The following HACD2 variants were observed in gnomAD, a reference collection of about 807,000 sequenced individuals.
The protein encoded by HACD2 is 3-hydroxyacyl-CoA dehydratase 2.
A neutral mutation model predicts 31.0 loss-of-function variants in HACD2; 15 were observed. The observed-to-expected ratio is 0.48, with a 90% CI of 0.32 to 0.75. HACD2 has a LOEUF of 0.75. Among genes scored for constraint, HACD2 ranks in the 30% least tolerant of loss-of-function variants. The pLI is 0.03. For missense variants in HACD2, 283 were observed against 313.0 expected (o/e 0.90, Z 0.72); for synonymous variants, 115 against 122.2 (o/e 0.94, Z 0.39).
rs1325922301 is a variant in HACD2 at position 123,494,730 on chromosome 3, AG to A, written c.*157del. ...CAACCTTTTTCTAAAATAAAATCTC[AG>A]GCCCATGTGACACTGGATTTTTGTT... On this transcript the variant is annotated 3_prime_UTR_variant, in exon 7 of 7. Transcript: ENST00000383657. 52 of 649,520 alleles carry A rather than the reference AG, an allele frequency of 8.0e-5. No individual in the cohort carries two copies. The highest frequency in any genetic ancestry group is 1.0e-4 in the Non-Finnish European group (37 of 369,422). The allele number at this position is 649,520 out of a possible 1,614,324, so 40.2% of individuals were successfully genotyped here. A position where few individuals can be genotyped will look rare whatever the true frequency, so the allele number is the denominator to read the frequency against.
At position 123,532,568 on chromosome 3, in the gene HACD2, C is replaced by G. The variant is rs567134530; in HGVS notation, c.293-4094G>C. 1.8e-3 allele frequency among the ~76,000 whole-genome samples: 276 copies of G among 152,290 alleles called. 1 individual carries two copies. The highest frequency in any genetic ancestry group is 6.5e-3 in the African/African-American group (269 of 41,550). ...AACTAAGGCCAGGCACAGTGGCTTA[C>G]GCCTGTAATCCCAGCACTTTGGGAG... On this transcript the variant is annotated intron_variant, in intron 3 of 6. Transcript: ENST00000383657.
At chr3:123,497,008 A>T (rs1248126565) in intron 6 of HACD2, among the ~76,000 whole-genome samples, 1 of 152,196 alleles carries the variant, frequency 6.6e-6, no homozygotes, top group Non-Finnish European at 1.5e-5. Flanking sequence ...ACTCCTTTAC[A>T]TCTCCCAGAG....
At chr3:123,536,025 T>C (rs2056421106) in intron 3 of HACD2, among the ~76,000 whole-genome samples, 1 of 152,216 alleles carries the variant, frequency 6.6e-6, no homozygotes, top group Admixed American at 6.5e-5. Flanking sequence ...TAGGTGAATG[T>C]ATAAAGACAT....
chr3:123,583,529 G>T (rs2056987920), intron 1 of HACD2, among the ~76,000 whole-genome samples: 1 of 152,032 alleles, frequency 6.6e-6, no homozygotes, highest in South Asian at 2.1e-4. Flanking sequence ...ATGATTTCTA[G>T]ATCTGGAACT....
chr3:123,530,401 C>T (rs979124122), intron 3 of HACD2, among the ~76,000 whole-genome samples: 59 of 150,616 alleles, frequency 3.9e-4, no homozygotes, highest in African/African-American at 1.4e-3. Flanking sequence ...ACACGGTGTG[C>T]CAGGTAATTT....
At chr3:123,500,715 A>G in intron 5 of HACD2, 22 bp from the exon 6 acceptor site, 1 of 1,554,432 alleles carries the variant, frequency 6.4e-7, no homozygotes. Context: ...CAAAATATTC[A>G]TTACTGAGGC....
At position 123,566,377 on chromosome 3, in the gene HACD2, T is replaced by TG. The variant is rs553575467; in HGVS notation, c.292+1384dup. Among the ~76,000 whole-genome samples, 42 of 152,096 alleles carry TG rather than the reference T, an allele frequency of 2.8e-4. No homozygotes were observed. The South Asian group carries it at 8.3e-3, about 30-fold the overall frequency. On this transcript the variant is annotated intron_variant, in intron 3 of 6. Transcript: ENST00000383657. ...GTGGCTCACTGAAGCCTCAACCTCC[T>TG]GGGCTCAAGCCATCCTCCCACCTCA...
intron 3 of HACD2, among the ~76,000 whole-genome samples, chr3:123,545,700 TATAATA>T (rs1329985664): frequency 6.7e-6 from 1 of 150,048 alleles, no homozygotes; most frequent in East Asian, 1.9e-4. Flanking sequence ...CAAAAATATA[TATAATA>T]ATAATAAGAT....
At chr3:123,540,076 CCT>C (rs1381409379) in intron 3 of HACD2, among the ~76,000 whole-genome samples, 1 of 148,456 alleles carries the variant, frequency 6.7e-6, no homozygotes, top group East Asian at 1.9e-4. Context: ...GGAGTGAGAC[CCT>C]GTCTAAAAAA....
At chr3:123,525,636 C>T (rs745567026) in intron 4 of HACD2, among the ~76,000 whole-genome samples, 1 of 152,094 alleles carries the variant, frequency 6.6e-6, no homozygotes, top group African/African-American at 2.4e-5. Flanking sequence ...AAAGGAAACA[C>T]GCAGGGCAGA....
chr3:123,536,812 A>G (rs2056431917), intron 3 of HACD2, among the ~76,000 whole-genome samples: 1 of 152,230 alleles, frequency 6.6e-6, no homozygotes, highest in Non-Finnish European at 1.5e-5. Context: ...TCTGAGTCAA[A>G]GAGAGTATGT....
chr3:123,551,006 C>T (rs1488313557), intron 3 of HACD2, among the ~76,000 whole-genome samples: 1 of 152,152 alleles, frequency 6.6e-6, no homozygotes, highest in Non-Finnish European at 1.5e-5. Context: ...GGAGAGTGAA[C>T]AGTCTCACTC....
intron 6 of HACD2, among the ~76,000 whole-genome samples, chr3:123,496,463 G>A (rs1488207676): frequency 2.6e-5 from 4 of 152,138 alleles, no homozygotes; most frequent in Non-Finnish European, 5.9e-5. Flanking sequence ...AAGTACGCCG[G>A]GACACCAGTG....
chr3:123,498,473 C>T (rs1262734650), intron 6 of HACD2, among the ~76,000 whole-genome samples: 2 of 152,186 alleles, frequency 1.3e-5, no homozygotes, highest in African/African-American at 2.4e-5. Flanking sequence ...GAGTGGTGGG[C>T]AAATGAGCAT....
chr3:123,545,778 C>T (rs1361093962), intron 3 of HACD2, among the ~76,000 whole-genome samples: 2 of 149,342 alleles, frequency 1.3e-5, no homozygotes, highest in Admixed American at 1.3e-4. Flanking sequence ...GTGGTGCGAT[C>T]TTAGCTCACT....
At chr3:123,515,142 C>A (rs2056117772) in intron 4 of HACD2, among the ~76,000 whole-genome samples, 1 of 152,164 alleles carries the variant, frequency 6.6e-6, no homozygotes, top group Admixed American at 6.5e-5. Flanking sequence ...AACCACGGGG[C>A]CTGGGAGACT....
chr3:123,571,978 GA>G (rs2056860115), intron 2 of HACD2, among the ~76,000 whole-genome samples: 1 of 152,288 alleles, frequency 6.6e-6, no homozygotes, highest in African/African-American at 2.4e-5. Context: ...GGAGGATGCA[GA>G]ACAAATCTTC....
intron 3 of HACD2, among the ~76,000 whole-genome samples, chr3:123,566,287 CT>C (rs879335097): frequency 7.4e-5 from 11 of 148,804 alleles, no homozygotes; most frequent in Admixed American, 2.7e-4. Context: ...CTTTTAAATC[CT>C]TTTTTTTTTA....
chr3:123,572,590 T>C (rs1367542703), intron 2 of HACD2, among the ~76,000 whole-genome samples: 2 of 152,244 alleles, frequency 1.3e-5, no homozygotes, highest in Non-Finnish European at 2.9e-5. Context: ...AAACTGATTT[T>C]AGTTTTAAAA....
Sources: gnomAD v4.1 joint callset for allele counts (sites outside exome capture counted in the v4.1 genomes callset) on GRCh38, gnomAD v4.1.1 for gene constraint, MANE v1.5 for transcripts, NCBI Gene and HGNC (gene_info 2026-07-23, HGNC 2026-07-21) for gene names.